Variants in TMEM63C observed in about 807,000 individuals in gnomAD.
TMEM63C encodes the protein osmosensitive cation channel TMEM63C.
TMEM63C carries 32 observed loss-of-function variants against 99.2 expected under a neutral mutation model. The observed-to-expected ratio is 0.32, with a 90% CI of 0.24 to 0.43. The LOEUF (loss-of-function observed/expected upper bound fraction) is 0.43. TMEM63C is among the 20% of genes least tolerant of loss of function. The pLI is 1.00. For synonymous variants in TMEM63C, 376 were observed against 397.9 expected, an observed-to-expected ratio of 0.94 and a Z score of 0.66; for missense variants, 826 against 1,053.0, an observed-to-expected ratio of 0.78 and a Z score of 2.98.
At chr14:77,208,804 C>T (rs541668304) in intron 1 of TMEM63C, among the ~76,000 whole-genome samples, 4 of 152,328 alleles carry the variant, frequency 2.6e-5, no homozygotes, top group African/African-American at 9.6e-5. Flanking sequence ...GGGGCAGCAG[C>T]GAGAATTGCC....
At chr14:77,213,728 A>C (rs1288101945) in intron 2 of TMEM63C, 1 of 152,256 alleles carries the variant, frequency 6.6e-6, no homozygotes, top group East Asian at 1.9e-4. Flanking sequence ...GGCAGAAGGC[A>C]TGCCGTTGAA....
chr14:77,198,893 G>C (rs914095990), intron 1 of TMEM63C, among the ~76,000 whole-genome samples: 2 of 152,164 alleles, frequency 1.3e-5, no homozygotes, highest in African/African-American at 4.8e-5. Flanking sequence ...CCGCAAGGTG[G>C]TATTTTTCTC....
At chr14:77,247,050 G>A (rs1889279575) in intron 18 of TMEM63C, among the ~76,000 whole-genome samples, 1 of 152,280 alleles carries the variant, frequency 6.6e-6, no homozygotes, top group African/African-American at 2.4e-5. Flanking sequence ...AGCTTATTCT[G>A]ATTCTGCCAG....
At chr14:77,246,153 T>A in intron 17 of TMEM63C, 127 bp downstream of exon 17, 1 of 767,180 alleles carries the variant, frequency 1.3e-6, no homozygotes, top group Non-Finnish European at 2.3e-6. Flanking sequence ...GCCCCATGCC[T>A]GTCATGGGTG....
rs1266355167 is a variant in TMEM63C at position 77,233,935 on chromosome 14, G to C, written c.542+435G>C. ...CACAGCAGACTCGTGCCCCACCTCT[G>C]CCATTAACTGGCCCTAGGTCTGAAG... On this transcript the variant is annotated intron_variant, in intron 8 of 23. Coordinates refer to ENST00000298351, the MANE Select transcript of TMEM63C (RefSeq NM_020431.4). Among the ~76,000 whole-genome samples the C allele has an allele frequency of 2.0e-5, 3 of 152,166 alleles. No homozygotes were observed. In the South Asian group the frequency reaches 6.2e-4, roughly 32 times the overall value.
chr14:77,195,713 A>G (rs958860148), intron 1 of TMEM63C, among the ~76,000 whole-genome samples: 1 of 152,196 alleles, frequency 6.6e-6, no homozygotes, highest in African/African-American at 2.4e-5. Flanking sequence ...CCAGCTCAGC[A>G]GGGGAAGTGA....
chr14:77,205,092 G>C (rs1230619066), intron 1 of TMEM63C, among the ~76,000 whole-genome samples: 2 of 152,242 alleles, frequency 1.3e-5, no homozygotes, highest in Non-Finnish European at 2.9e-5. Context: ...CTTCCAGGTG[G>C]TGGGACTGGC....
chr14:77,243,307 C>T (rs1889213792), intron 15 of TMEM63C, among the ~76,000 whole-genome samples: 1 of 152,056 alleles, frequency 6.6e-6, no homozygotes, highest in Non-Finnish European at 1.5e-5. Flanking sequence ...ACAGGCAGGT[C>T]CTGGGGTGAG....
intron 1 of TMEM63C, among the ~76,000 whole-genome samples, chr14:77,194,382 GTA>G (rs751957306): frequency 0.081 from 5,067 of 62,534 alleles, 210 homozygotes; most frequent in East Asian, 0.38. Flanking sequence ...GTGTGTGTGT[GTA>G]TGTTCATATT....
At chr14:77,252,032 G>T in intron 22 of TMEM63C, 134 bp downstream of exon 22, 1 of 759,518 alleles carries the variant, frequency 1.3e-6, no homozygotes. Context: ...ACTGTAGAGC[G>T]TGGAGCCCAG....
At chr14:77,235,160 C>T (rs1889014900) in intron 8 of TMEM63C, among the ~76,000 whole-genome samples, 1 of 151,928 alleles carries the variant, frequency 6.6e-6, no homozygotes, top group Admixed American at 6.6e-5. Flanking sequence ...AAACGTTCCC[C>T]CCATGAGCTG....
chr14:77,230,725 C>A (rs1367534055), intron 6 of TMEM63C, among the ~76,000 whole-genome samples: 1 of 152,044 alleles, frequency 6.6e-6, no homozygotes, highest in East Asian at 1.9e-4. Flanking sequence ...ATTATCTGCC[C>A]CCCCACCACC....
At chr14:77,201,803 C>T (rs1212031368) in intron 1 of TMEM63C, among the ~76,000 whole-genome samples, 4 of 152,178 alleles carry the variant, frequency 2.6e-5, no homozygotes, top group East Asian at 1.9e-4. Flanking sequence ...GTAGCGGGGG[C>T]GGTTTCTTCT....
rs915126662 is a variant in TMEM63C at position 77,257,917 on chromosome 14, G to C, written c.*1191G>C. ...CCAGGCCTGCCAGGGGTGTGGTGGA[G>C]GGGAAGGCCACGTGCTCCAGGGAGA... On this transcript the variant is annotated 3_prime_UTR_variant, in exon 24 of 24. Coordinates refer to ENST00000298351, the MANE Select transcript of TMEM63C (RefSeq NM_020431.4). 1 of 152,354 alleles carries C rather than the reference G, an allele frequency of 6.6e-6. No individual in the cohort carries two copies. The highest frequency in any genetic ancestry group is 6.5e-5 in the Admixed American group (1 of 15,292). The allele number at this position is 152,354 out of a possible 1,614,324, so 9.4% of individuals were successfully genotyped here.
chr14:77,242,425 T>C lies in TMEM63C; in HGVS notation c.1143T>C (p.Tyr381=). The change falls in exon 14 of 24, where the codon TAT becomes TAC. Residue 381 remains tyrosine, a synonymous_variant. Transcript: ENST00000298351. ...CAGTGACCACCATCGTCAAATCATATTACTGGAGGGTCACTATGGCCCCAC... is the reference window on the plus strand; with the variant it reads ...CAGTGACCACCATCGTCAAATCATACTACTGGAGGGTCACTATGGCCCCAC... ...QSSVTTIVKS[Y]YWRVTMAPHP... 2 of 1,613,792 alleles carry C rather than the reference T, an allele frequency of 1.2e-6. No homozygotes were observed. Among genetic ancestry groups the C allele is most frequent in the Non-Finnish European group, 1.7e-6 (2 of 1,179,834 alleles).
intron 13 of TMEM63C, among the ~76,000 whole-genome samples, chr14:77,241,752 A>G (rs555442468): frequency 1.1e-3 from 169 of 152,334 alleles, no homozygotes; most frequent in African/African-American, 3.9e-3. Context: ...TTAAAGCAAT[A>G]CACCTACCTA....
intron 4 of TMEM63C, 117 bp downstream of exon 4, chr14:77,219,694 C>A: frequency 9.4e-7 from 1 of 1,065,210 alleles, no homozygotes; most frequent in Non-Finnish European, 1.4e-6. Flanking sequence ...CAGCAAGTGG[C>A]CTCTGCCCCT....
chr14:77,186,997 G>T (rs1032140359), intron 1 of TMEM63C, among the ~76,000 whole-genome samples: 1 of 152,136 alleles, frequency 6.6e-6, no homozygotes, highest in African/African-American at 2.4e-5. Context: ...AATAAGCCTG[G>T]CTTGAGGCCC....
chr14:77,239,475 C>A lies in TMEM63C; in HGVS notation c.789C>A (p.Ile263=), dbSNP rs367752886. The A allele has an allele frequency of 2.5e-6, 4 of 1,613,454 alleles. No homozygotes were observed. Among genetic ancestry groups the A allele is most frequent in the Non-Finnish European group, 3.4e-6 (4 of 1,179,882 alleles). ...TCTGCTACGACGTCAGGAACCTGATCGACTTGGACGATCAGAGGTGAGGCT... is the reference window on the plus strand; with the variant it reads ...TCTGCTACGACGTCAGGAACCTGATAGACTTGGACGATCAGAGGTGAGGCT... The part of the protein sequence containing the change: ...VHFCYDVRNL[I]DLDDQRRHAM... Residue 263 remains isoleucine (I), a synonymous_variant, in exon 11 of 24, where the codon ATC becomes ATA. Coordinates refer to ENST00000298351, the MANE Select transcript of TMEM63C (RefSeq NM_020431.4).
Sources: gnomAD v4.1 joint callset for allele counts (sites outside exome capture counted in the v4.1 genomes callset) on GRCh38, gnomAD v4.1.1 for gene constraint, MANE v1.5 for transcripts, NCBI Gene and HGNC (gene_info 2026-07-23, HGNC 2026-07-21) for gene names.